The following ATP11A variants were observed in gnomAD, a reference collection of about 807,000 sequenced individuals.
ATP11A encodes phospholipid-transporting ATPase IH.
In ATP11A, 81 loss-of-function variants were observed where a neutral mutation model predicts 154.4. The ratio of observed to expected loss-of-function variants is 0.52; its 90% CI spans 0.44 to 0.63. ATP11A has a LOEUF of 0.63. Ranked by LOEUF, ATP11A falls within the 30% of genes least tolerant of loss-of-function variation. ATP11A has a pLI of 0.00. For synonymous variants in ATP11A, 623 were observed against 585.9 expected, an observed-to-expected ratio of 1.06 and a Z score of -0.91; for missense variants, 1,316 against 1,474.3, an observed-to-expected ratio of 0.89 and a Z score of 1.76.
chr13:112,863,720 C>T (rs1464420293), intron 25 of ATP11A, among the ~76,000 whole-genome samples: 2,630 of 60,740 alleles, frequency 0.043, 2 homozygotes, highest in Middle Eastern at 0.078. Context: ...CCAGCGGGGT[C>T]CATCACCACC....
At chr13:112,789,820 G>A (rs868013146) in intron 2 of ATP11A, among the ~76,000 whole-genome samples, 29 of 134,332 alleles carry the variant, frequency 2.2e-4, no homozygotes, top group African/African-American at 8.1e-4. Context: ...AATTCACACC[G>A]AGTGTCCTGA....
At chr13:112,739,645 G>A (rs912732105) in intron 1 of ATP11A, among the ~76,000 whole-genome samples, 7 of 152,220 alleles carry the variant, frequency 4.6e-5, no homozygotes, top group South Asian at 2.1e-4. Context: ...TTGAAAACAC[G>A]CGTCCACACG....
chr13:112,799,491 G>A (rs2078078843), intron 2 of ATP11A, among the ~76,000 whole-genome samples: 1 of 152,144 alleles, frequency 6.6e-6, no homozygotes, highest in Non-Finnish European at 1.5e-5. Flanking sequence ...TCCCTTGTGG[G>A]CAGGGGCGGG....
At chr13:112,815,752 C>T (rs541881129) in intron 5 of ATP11A, among the ~76,000 whole-genome samples, 1 of 152,354 alleles carries the variant, frequency 6.6e-6, no homozygotes, top group African/African-American at 2.4e-5. Flanking sequence ...TCATAAAACG[C>T]CTAGATTTAG....
At position 112,805,066 on chromosome 13, in the gene ATP11A, T is replaced by C; in HGVS notation, c.252+20T>C. ...GTGCAGGTAAGGCCGGTCATTGTTT[T>C]CCATCTCATCACATATAAATCTAAA... On this transcript the variant is annotated intron_variant, in intron 3 of 29. Coordinates refer to ENST00000375645, the MANE Select transcript of ATP11A (RefSeq NM_015205.3). 6.5e-7 allele frequency: 1 copy of C among 1,542,352 alleles called. No homozygotes were observed. The highest frequency in any genetic ancestry group is 8.9e-7 in the Non-Finnish European group (1 of 1,125,152).
At chr13:112,738,841 C>T (rs542407520) in intron 1 of ATP11A, among the ~76,000 whole-genome samples, 1 of 152,012 alleles carries the variant, frequency 6.6e-6, no homozygotes, top group East Asian at 1.9e-4. Context: ...TCTCGTGTCC[C>T]ACTGTGAGTC....
intron 1 of ATP11A, among the ~76,000 whole-genome samples, chr13:112,782,599 TC>T (rs1446260933): frequency 2.0e-5 from 3 of 152,360 alleles, no homozygotes; most frequent in East Asian, 3.9e-4. Context: ...GCTTTTAAAG[TC>T]CACATCCCTG....
At chr13:112,808,195 CCCTGGCTGTGTCCCCTCCCATCGG>C (rs2078377926) in intron 4 of ATP11A, among the ~76,000 whole-genome samples, 1 of 152,202 alleles carries the variant, frequency 6.6e-6, no homozygotes, top group Admixed American at 6.5e-5. Flanking sequence ...TGTGCCCCAT[CCCTGGCTGTGTCCCCTCCCATCGG>C]CCTGGCTATG....
intron 1 of ATP11A, among the ~76,000 whole-genome samples, chr13:112,778,387 T>G (rs554078300): frequency 6.6e-6 from 1 of 152,358 alleles, no homozygotes; most frequent in South Asian, 2.1e-4. Context: ...GCCAAAACCT[T>G]GTAACTCTCT....
chr13:112,801,596 A>G (rs1283934300), intron 2 of ATP11A, among the ~76,000 whole-genome samples: 5 of 152,366 alleles, frequency 3.3e-5, no homozygotes, highest in South Asian at 4.1e-4. Flanking sequence ...CGATTATAGC[A>G]TGGTTGCAGG....
At chr13:112,792,935 C>T (rs1187940504) in intron 2 of ATP11A, among the ~76,000 whole-genome samples, 1 of 152,190 alleles carries the variant, frequency 6.6e-6, no homozygotes, top group Non-Finnish European at 1.5e-5. Context: ...AAGTTGAATC[C>T]TTCTGGTAAT....
intron 1 of ATP11A, chr13:112,717,337 C>T (rs1006201127): frequency 6.6e-6 from 1 of 152,230 alleles, no homozygotes; most frequent in Non-Finnish European, 1.5e-5. Flanking sequence ...GCCCCCCCGC[C>T]ATCCCAGGAG....
chr13:112,815,936 C>T, intron 5 of ATP11A, 147 bp from the exon 6 acceptor site: 2 of 1,135,624 alleles, frequency 1.8e-6, no homozygotes, highest in South Asian at 3.0e-5. Context: ...AGCAGAATGT[C>T]TGGCAAGAGT....
intron 14 of ATP11A, among the ~76,000 whole-genome samples, chr13:112,834,055 A>G (rs1052120964): frequency 6.6e-6 from 1 of 152,356 alleles, no homozygotes; most frequent in Non-Finnish European, 1.5e-5. Context: ...GGCTCCCACA[A>G]GGCCCTGAAG....
rs1566510763 is a variant in ATP11A, at chr13:112,807,692, G to A, written c.333+1399G>A. On this transcript the variant is annotated intron_variant, in intron 4 of 29. Transcript: ENST00000375645. This position sits in a 1 kb window ranked among gnomAD's most constrained non-coding sequence, Gnocchi z 4.5. The stretch of plus-strand genomic sequence containing the variant: ...ACGATGTTACTCGGGGACCTGCCAT[G>A]TGTCCTCGGGCCCAAAGTCACAGTT... 6.6e-6 allele frequency among the ~76,000 whole-genome samples: 1 copy of A among 152,190 alleles called. No homozygotes were observed. Among genetic ancestry groups the A allele is most frequent in the Non-Finnish European group, 1.5e-5 (1 of 68,036 alleles).
chr13:112,787,845 G>A (rs959472219), intron 2 of ATP11A, among the ~76,000 whole-genome samples: 1 of 145,828 alleles, frequency 6.9e-6, no homozygotes, highest in Non-Finnish European at 1.5e-5. Context: ...ATTCACACCG[G>A]TGTCCTGATG....
chr13:112,803,987 ATTCCCCTCC>A (rs2078232104), intron 2 of ATP11A, among the ~76,000 whole-genome samples: 1 of 26,204 alleles, frequency 3.8e-5, no homozygotes, highest in East Asian at 8.4e-4. Flanking sequence ...CATTCCCCTC[ATTCCCCTCC>A]TTCCCTCCTT....
chr13:112,881,819 G>A (rs2080893143), intron 29 of ATP11A, 57 bp from the exon 30 acceptor site: 4 of 1,367,286 alleles, frequency 2.9e-6, no homozygotes, highest in Non-Finnish European at 3.9e-6. Flanking sequence ...TCAGCAGAAT[G>A]GGTGCGCACA....
At chr13:112,759,359 A>G (rs940079542) in intron 1 of ATP11A, among the ~76,000 whole-genome samples, 11 of 152,268 alleles carry the variant, frequency 7.2e-5, no homozygotes, top group African/African-American at 2.4e-4. Flanking sequence ...CCCGCAACAC[A>G]CTTGGCAGAG....
Sources: allele counts gnomAD v4.1 joint callset (sites outside exome capture counted in the v4.1 genomes callset), GRCh38; gene constraint gnomAD v4.1.1; non-coding constraint Gnocchi (gnomAD v3.1); transcripts MANE v1.5; gene names NCBI Gene and HGNC (gene_info 2026-07-23, HGNC 2026-07-21).